WWOX: variants seen among roughly 807,000 people sequenced by gnomAD.
WWOX encodes the protein WW domain-containing oxidoreductase.
In WWOX, 69 loss-of-function variants were observed where a neutral mutation model predicts 46.2. The observed-to-expected ratio is 1.49, with a 90% CI of 1.23 to 1.82. The LOEUF is 1.82. Among genes scored for constraint, WWOX ranks in the 40% most tolerant of loss-of-function variants. The pLI, the probability that WWOX is intolerant of heterozygous loss-of-function variation, is 0.00. For synonymous variants in WWOX, 359 were observed against 202.6 expected (o/e 1.77, Z -6.56); for missense variants, 919 against 542.6 (o/e 1.69, Z -6.89).
intron 8 of WWOX, among the ~76,000 whole-genome samples, chr16:78,445,028 A>C (rs1034793857): frequency 1.3e-5 from 2 of 151,946 alleles, no homozygotes; most frequent in African/African-American, 4.8e-5. Context: ...ACCTGCACTA[A>C]AACTTGTTGC....
chr16:78,910,559 T>C (rs548236767), intron 8 of WWOX, among the ~76,000 whole-genome samples: 1 of 151,870 alleles, frequency 6.6e-6, no homozygotes, highest in East Asian at 1.9e-4. Flanking sequence ...CTCATACTAC[T>C]GAGAAAGACA....
intron 1 of WWOX, among the ~76,000 whole-genome samples, chr16:78,103,913 G>A (rs2031965180): frequency 1.3e-5 from 2 of 152,014 alleles, no homozygotes; most frequent in African/African-American, 4.8e-5. Flanking sequence ...TGCCTCAAAG[G>A]CACACATGTC....
intron 5 of WWOX, among the ~76,000 whole-genome samples, chr16:78,382,063 T>G (rs556733797): frequency 6.6e-6 from 1 of 152,346 alleles, no homozygotes; most frequent in Non-Finnish European, 1.5e-5. Context: ...CATATTCATA[T>G]GTCTTTGTGA....
intron 8 of WWOX, among the ~76,000 whole-genome samples, chr16:79,094,863 G>C (rs535483823): frequency 2.0e-5 from 3 of 152,138 alleles, no homozygotes; most frequent in Non-Finnish European, 4.4e-5. Context: ...GGTTTACACT[G>C]TGTCTACCCC....
intron 8 of WWOX, among the ~76,000 whole-genome samples, chr16:78,562,583 C>G (rs1463564678): frequency 6.6e-6 from 1 of 152,170 alleles, no homozygotes; most frequent in African/African-American, 2.4e-5. Flanking sequence ...TCTGGGCTGA[C>G]CCTGCTGGGC....
At chr16:79,189,267 G>GT (rs1318651315) in intron 8 of WWOX, among the ~76,000 whole-genome samples, 1 of 150,144 alleles carries the variant, frequency 6.7e-6, no homozygotes, top group Non-Finnish European at 1.5e-5. Flanking sequence ...TTTTCTTTTT[G>GT]TTTTTTCTGA....
intron 8 of WWOX, among the ~76,000 whole-genome samples, chr16:78,800,635 C>T (rs968186506): frequency 3.3e-4 from 50 of 152,272 alleles, no homozygotes; most frequent in African/African-American, 1.1e-3. Flanking sequence ...TGGCAGCTGA[C>T]GGCCAAAGGG....
chr16:78,469,285 A>T (rs747024682), intron 8 of WWOX, among the ~76,000 whole-genome samples: 49 of 152,092 alleles, frequency 3.2e-4, no homozygotes, highest in Non-Finnish European at 5.1e-4. Context: ...TACTATGAAG[A>T]CATTTCCCTT....
chr16:79,129,054 GTTTCTTCT>G (rs2049820864), intron 8 of WWOX, among the ~76,000 whole-genome samples: 1 of 152,116 alleles, frequency 6.6e-6, no homozygotes. Context: ...ACAGAACTCT[GTTTCTTCT>G]TTTATGCTGA....
intron 8 of WWOX, among the ~76,000 whole-genome samples, chr16:78,705,714 C>G (rs1462096027): frequency 6.6e-6 from 1 of 152,208 alleles, no homozygotes; most frequent in Non-Finnish European, 1.5e-5. Flanking sequence ...ACTTCCTTTT[C>G]TATGCCTTTG....
chr16:78,619,086 G>C (rs111251335), intron 8 of WWOX, among the ~76,000 whole-genome samples: 2 of 130,610 alleles, frequency 1.5e-5, no homozygotes, highest in African/African-American at 3.0e-5. Flanking sequence ...ACTGGAGGTC[G>C]GGAATTTGAA....
intron 6 of WWOX, among the ~76,000 whole-genome samples, chr16:78,414,656 A>G (rs2082759032): frequency 6.6e-6 from 1 of 152,252 alleles, no homozygotes; most frequent in South Asian, 2.1e-4. Context: ...CTGCATGAAT[A>G]ATTGAGAAAG....
chr16:78,965,275 C>T (rs924656077), intron 8 of WWOX, among the ~76,000 whole-genome samples: 11 of 152,164 alleles, frequency 7.2e-5, no homozygotes, highest in Admixed American at 6.5e-4. Context: ...GTTTAAATCA[C>T]TAGTAAAATT....
rs117564089 is a variant in WWOX at position 79,097,866 on chromosome 16, C to G, written c.1057-113742C>G. ...GTTGATTTTGACCATTGCATCTTGCCTCACATCTGAACTTCAGGTGAAGTT... is the reference window on the plus strand; with the variant it reads ...GTTGATTTTGACCATTGCATCTTGCGTCACATCTGAACTTCAGGTGAAGTT... On this transcript the variant is annotated intron_variant, in intron 8 of 8. Transcript: ENST00000566780. Among the ~76,000 whole-genome samples the G allele has an allele frequency of 4.6e-5, 7 of 152,272 alleles. No individual in the cohort carries two copies. The East Asian group carries it at 1.4e-3, about 29-fold the overall frequency.
chr16:78,647,032 C>G (rs984475591), intron 8 of WWOX, among the ~76,000 whole-genome samples: 6 of 152,122 alleles, frequency 3.9e-5, no homozygotes, highest in Non-Finnish European at 1.5e-5. Flanking sequence ...CTTTCTCTTC[C>G]TTTTGAGCCC....
At chr16:78,564,603 C>T (rs1335926076) in intron 8 of WWOX, among the ~76,000 whole-genome samples, 1 of 152,108 alleles carries the variant, frequency 6.6e-6, no homozygotes, top group African/African-American at 2.4e-5. Context: ...TTCTCCTAAG[C>T]AATCAATTTC....
At chr16:78,904,366 G>A (rs1458772579) in intron 8 of WWOX, among the ~76,000 whole-genome samples, 1 of 150,916 alleles carries the variant, frequency 6.6e-6, no homozygotes, top group East Asian at 2.0e-4. Context: ...AGCGTCCTGA[G>A]TAGCTGGGAC....
intron 5 of WWOX, among the ~76,000 whole-genome samples, chr16:78,373,653 A>G (rs186483774): frequency 1.2e-4 from 18 of 151,138 alleles, no homozygotes; most frequent in Middle Eastern, 6.8e-3. Context: ...TTTTAATTCT[A>G]GTCTTGGTTT....
At chr16:78,975,502 G>C in intron 8 of WWOX, among the ~76,000 whole-genome samples, 1 of 150,664 alleles carries the variant, frequency 6.6e-6, no homozygotes, top group East Asian at 2.0e-4. Flanking sequence ...GGAGCCTTTT[G>C]AGATACGACT....
Sources: gnomAD v4.1 joint callset for allele counts (sites outside exome capture counted in the v4.1 genomes callset) on GRCh38, gnomAD v4.1.1 for gene constraint, MANE v1.5 for transcripts, NCBI Gene and HGNC (gene_info 2026-07-23, HGNC 2026-07-21) for gene names.